Variants in MIR2052HG observed in about 807,000 individuals in gnomAD.
The protein encoded by MIR2052HG is MIR2052 host gene.
intron 2 of MIR2052HG, among the ~76,000 whole-genome samples, chr8:74,678,435 C>T (rs970279001): frequency 2.0e-5 from 3 of 151,288 alleles, no homozygotes; most frequent in East Asian, 1.9e-4. Flanking sequence ...TAGTGGCAGG[C>T]GCCTGTAATC....
intron 2 of MIR2052HG, among the ~76,000 whole-genome samples, chr8:74,630,889 T>TA (rs1808502358): frequency 6.6e-6 from 1 of 152,210 alleles, no homozygotes; most frequent in Non-Finnish European, 1.5e-5. Flanking sequence ...ATCTTCTTTG[T>TA]AAAAATGAGG....
intron 2 of MIR2052HG, among the ~76,000 whole-genome samples, chr8:74,663,272 T>C (rs1808886749): frequency 6.6e-6 from 1 of 152,028 alleles, no homozygotes; most frequent in African/African-American, 2.4e-5. Flanking sequence ...AATGACAAAG[T>C]TTATTGGGTT....
chr8:74,657,677 CAA>C (rs1418653297), intron 2 of MIR2052HG, among the ~76,000 whole-genome samples: 3 of 152,154 alleles, frequency 2.0e-5, no homozygotes, highest in Non-Finnish European at 2.9e-5. Context: ...TGGCAGCAGA[CAA>C]GAGAGGAGAT....
At chr8:74,635,510 A>G (rs762455421) in intron 2 of MIR2052HG, among the ~76,000 whole-genome samples, 1 of 152,184 alleles carries the variant, frequency 6.6e-6, no homozygotes, top group South Asian at 2.1e-4. Context: ...ACAATAAATT[A>G]AAGGACATGC....
intron 4 of MIR2052HG, chr8:74,705,767 T>A (rs1235413138): frequency 5.9e-6 from 1 of 170,128 alleles, no homozygotes; most frequent in East Asian, 1.9e-4. Flanking sequence ...CATAGCAGAC[T>A]AACTCCTTTC....
intron 2 of MIR2052HG, among the ~76,000 whole-genome samples, chr8:74,698,720 G>T (rs1042276084): frequency 6.6e-6 from 1 of 152,040 alleles, no homozygotes; most frequent in Non-Finnish European, 1.5e-5. Flanking sequence ...TCATAAGTGA[G>T]AGCTGAACAA....
chr8:74,722,732 C>T (rs1809591887), intron 4 of MIR2052HG, among the ~76,000 whole-genome samples: 2 of 152,156 alleles, frequency 1.3e-5, no homozygotes, highest in Admixed American at 1.3e-4. Flanking sequence ...GTTAAGAATT[C>T]ATGCTGGTCA....
chr8:74,703,423 G>T (rs1809377296), intron 3 of MIR2052HG, among the ~76,000 whole-genome samples: 1 of 151,990 alleles, frequency 6.6e-6, no homozygotes, highest in Non-Finnish European at 1.5e-5. Context: ...AATACCTAAA[G>T]TTTTCAGAGC....
intron 4 of MIR2052HG, among the ~76,000 whole-genome samples, chr8:74,715,603 A>G (rs1180542778): frequency 4.8e-4 from 73 of 152,188 alleles, no homozygotes; most frequent in Non-Finnish European, 7.3e-5. Context: ...CCATGCACAG[A>G]CAAATAGATT....
chr8:74,758,285 C>T (rs891126999), intron 6 of MIR2052HG: 10 of 151,906 alleles, frequency 6.6e-5, no homozygotes, highest in Non-Finnish European at 1.2e-4. Flanking sequence ...AGATTTTCCT[C>T]ATTTTATTGT....
chr8:74,687,513 T>TAAAAG (rs1381963614), intron 2 of MIR2052HG, among the ~76,000 whole-genome samples: 1 of 152,042 alleles, frequency 6.6e-6, no homozygotes, highest in Non-Finnish European at 1.5e-5. Context: ...TATTTAGCCA[T>TAAAAG]AAAAGAAGGG....
intron 2 of MIR2052HG, among the ~76,000 whole-genome samples, chr8:74,626,695 T>G (rs1445319449): frequency 6.6e-6 from 1 of 152,222 alleles, no homozygotes; most frequent in Non-Finnish European, 1.5e-5. Context: ...CATCTCTTTC[T>G]GTATTTTTTG....
intron 2 of MIR2052HG, among the ~76,000 whole-genome samples, chr8:74,631,475 C>CT (rs1780501795): frequency 6.6e-6 from 1 of 152,076 alleles, no homozygotes; most frequent in South Asian, 2.1e-4. Flanking sequence ...CATATTTCTA[C>CT]TTTTTTGATT....
In MIR2052HG at chr8:74,608,142, GTTGTAAGTCAACTGTTAACTC is replaced by G. The variant is rs1342634835; in HGVS notation, n.129-4707_129-4687del. On this transcript the variant is annotated intron_variant and non_coding_transcript_variant, in intron 1 of 6. Coordinates refer to ENST00000523442, the Ensembl canonical transcript of MIR2052HG. Reference sequence around the variant, plus strand: ...AAATTTCATAGCAGGCATATTTTAGGTTGTAAGTCAACTGTTAACTCTTGGATCACCTTTTCGGTGGGTGAG... The same window carrying G: ...AAATTTCATAGCAGGCATATTTTAGGTTGGATCACCTTTTCGGTGGGTGAG... 1.6e-4 allele frequency among the ~76,000 whole-genome samples: 25 copies of G among 152,204 alleles called. No individual in the cohort carries two copies. The East Asian group carries it at 2.9e-3, about 18-fold the overall frequency.
intron 2 of MIR2052HG, among the ~76,000 whole-genome samples, chr8:74,660,752 G>A (rs1808853925): frequency 6.6e-6 from 1 of 152,090 alleles, no homozygotes; most frequent in Non-Finnish European, 1.5e-5. Context: ...TTTGGAGATA[G>A]TTTATTGTAT....
At chr8:74,657,713 A>C (rs1808821608) in intron 2 of MIR2052HG, among the ~76,000 whole-genome samples, 1 of 152,240 alleles carries the variant, frequency 6.6e-6, no homozygotes, top group South Asian at 2.1e-4. Flanking sequence ...ACTTCCCTTT[A>C]TAAAACCATC....
At chr8:74,735,509 C>T (rs1809736497) in intron 4 of MIR2052HG, among the ~76,000 whole-genome samples, 1 of 152,274 alleles carries the variant, frequency 6.6e-6, no homozygotes, top group South Asian at 2.1e-4. Context: ...TCCCCGGGCT[C>T]CATGTATCAC....
chr8:74,658,322 A>G (rs1036645478), intron 2 of MIR2052HG, among the ~76,000 whole-genome samples: 7 of 150,512 alleles, frequency 4.7e-5, no homozygotes, highest in South Asian at 2.1e-4. Flanking sequence ...CTGAGAATGT[A>G]TGCTCCACCA....
At chr8:74,630,528 GAAAAAAAAAA>G (rs200428495) in intron 2 of MIR2052HG, among the ~76,000 whole-genome samples, 1 of 126,080 alleles carries the variant, frequency 7.9e-6, no homozygotes, top group Admixed American at 8.4e-5. Context: ...AGATTTCTCT[GAAAAAAAAAA>G]AAAAAAGAAA....
Sources: gnomAD v4.1 joint callset for allele counts (sites outside exome capture counted in the v4.1 genomes callset) on GRCh38, gnomAD v4.1.1 for gene constraint, MANE v1.5 for transcripts, NCBI Gene and HGNC (gene_info 2026-07-23, HGNC 2026-07-21) for gene names.